The following HERC3 variants were observed in gnomAD, a reference collection of about 807,000 sequenced individuals.
HERC3 encodes the protein probable E3 ubiquitin-protein ligase HERC3.
Under a neutral mutation model 129.9 loss-of-function variants are expected in HERC3, and 58 were observed. The ratio of observed to expected loss-of-function variants is 0.45; its 90% CI spans 0.36 to 0.56. The LOEUF (loss-of-function observed/expected upper bound fraction) is 0.56. HERC3 is among the 20% of genes least tolerant of loss of function. The pLI, the probability that HERC3 is intolerant of heterozygous loss-of-function variation, is 0.00. For synonymous variants in HERC3, 430 were observed against 451.0 expected, an observed-to-expected ratio of 0.95 and a Z score of 0.59; for missense variants, 835 against 1,244.2, an observed-to-expected ratio of 0.67 and a Z score of 4.95.
intron 16 of HERC3, among the ~76,000 whole-genome samples, chr4:88,672,961 G>A (rs1731772566): frequency 6.6e-6 from 1 of 152,096 alleles, no homozygotes; most frequent in Non-Finnish European, 1.5e-5. Flanking sequence ...AATTGCAAAG[G>A]GATCTAACAC....
chr4:88,548,067 G>T, the HERC3 span, among the ~76,000 whole-genome samples: 2 of 152,106 alleles, frequency 1.3e-5, no homozygotes, highest in African/African-American at 4.8e-5. Flanking sequence ...TTCCCATTGT[G>T]TGGATATACC....
the HERC3 span, among the ~76,000 whole-genome samples, chr4:88,558,716 C>T: frequency 1.3e-5 from 2 of 152,138 alleles, no homozygotes; most frequent in East Asian, 1.9e-4. Flanking sequence ...GTAATCCCAG[C>T]ACTTTGGGAG....
the HERC3 span, among the ~76,000 whole-genome samples, chr4:88,551,579 A>G: frequency 6.6e-6 from 1 of 151,712 alleles, no homozygotes; most frequent in African/African-American, 2.4e-5. Context: ...CAAAACCACA[A>G]TGAGATACCA....
At chr4:88,587,324 A>G in the HERC3 span, among the ~76,000 whole-genome samples, 1 of 152,190 alleles carries the variant, frequency 6.6e-6, no homozygotes, top group African/African-American at 2.4e-5. Context: ...GAGAAATCAG[A>G]GGGAGAAATC....
chr4:88,593,329 CG>C (rs938289090), intron 1 of HERC3: 3 of 152,924 alleles, frequency 2.0e-5, no homozygotes, highest in Non-Finnish European at 4.4e-5. Flanking sequence ...CTGGGACGGC[CG>C]GGGGCAGGTG....
chr4:88,563,561 G>T, the HERC3 span, among the ~76,000 whole-genome samples: 1 of 152,064 alleles, frequency 6.6e-6, no homozygotes, highest in Non-Finnish European at 1.5e-5. Context: ...GTGAAAGTGG[G>T]CATCCTTATC....
chr4:88,566,014 G>T, the HERC3 span, among the ~76,000 whole-genome samples: 1 of 151,772 alleles, frequency 6.6e-6, no homozygotes. Flanking sequence ...TACAAGTGTA[G>T]GTTTGTTACA....
chr4:88,540,772 G>A, the HERC3 span, among the ~76,000 whole-genome samples: 1 of 152,198 alleles, frequency 6.6e-6, no homozygotes, highest in Admixed American at 6.5e-5. Context: ...TAAGCCAGAA[G>A]AGAGTGGGAG....
At chr4:88,524,879 C>T in the HERC3 span, 1 of 152,018 alleles carries the variant, frequency 6.6e-6, no homozygotes, top group African/African-American at 2.4e-5. Flanking sequence ...TCATTTCACA[C>T]TTTGAGTTCC....
rs1333312436 is a variant in HERC3, at chr4:88,649,866, C to T, written c.253C>T (p.His85Tyr). Residue 85 changes from histidine to tyrosine, a missense_variant, in exon 4 of 26, where the codon CAT becomes TAT. Transcript: ENST00000402738. Reference sequence around the variant, plus strand: ...ACAAATTGGAGCTCTGGCAGATCAGCATATCATTCATGTGGCATGTGGCGA... The same window carrying T: ...ACAAATTGGAGCTCTGGCAGATCAGTATATCATTCATGTGGCATGTGGCGA... Reference protein sequence around the residue: ...PEQIGALADQHIIHVACGESH... With the variant: ...PEQIGALADQYIIHVACGESH... The T allele has an allele frequency of 6.2e-7, 1 of 1,614,028 alleles. No homozygotes were observed. Among genetic ancestry groups the T allele is most frequent in the Non-Finnish European group, 8.5e-7 (1 of 1,179,992 alleles).
At chr4:88,699,560 T>C (rs547594727) in intron 23 of HERC3, among the ~76,000 whole-genome samples, 34 of 151,280 alleles carry the variant, frequency 2.2e-4, no homozygotes, top group Non-Finnish European at 3.5e-4. Flanking sequence ...ATGTTTCTCA[T>C]TTTACAGATA....
intron 11 of HERC3, 129 bp downstream of exon 11, chr4:88,662,684 G>A (rs184872185): frequency 2.0e-6 from 2 of 1,005,578 alleles, no homozygotes; most frequent in Admixed American, 5.8e-5. Flanking sequence ...AGGGAATCGT[G>A]GGTTATTTTT....
chr4:88,625,449 G>A (rs1378268703), intron 3 of HERC3, among the ~76,000 whole-genome samples: 1 of 151,620 alleles, frequency 6.6e-6, no homozygotes, highest in Non-Finnish European at 1.5e-5. Flanking sequence ...TGTTATACAT[G>A]GTATTTTTAA....
intron 23 of HERC3, chr4:88,693,243 G>A (rs1578332973): frequency 2.0e-6 from 2 of 978,334 alleles, no homozygotes; most frequent in African/African-American, 1.8e-5. Flanking sequence ...AGTATCTTTT[G>A]TGTATAAAGG....
At chr4:88,612,291 G>C (rs1386383894) in intron 3 of HERC3, among the ~76,000 whole-genome samples, 2 of 119,558 alleles carry the variant, frequency 1.7e-5, no homozygotes, top group Non-Finnish European at 3.3e-5. Context: ...GTGACCAACT[G>C]TGTGTGTGTG....
intron 10 of HERC3, among the ~76,000 whole-genome samples, chr4:88,660,450 C>T (rs112871646): frequency 0.054 from 8,150 of 152,192 alleles, 479 homozygotes; most frequent in African/African-American, 0.14. Flanking sequence ...GTGATCTACC[C>T]TCCTCGGCCT....
chr4:88,635,019 G>A (rs901377460), intron 3 of HERC3, among the ~76,000 whole-genome samples: 11 of 152,040 alleles, frequency 7.2e-5, no homozygotes, highest in Admixed American at 5.9e-4. Flanking sequence ...CTCAAAGATC[G>A]AAACTAGACA....
At chr4:88,550,915 T>C in the HERC3 span, among the ~76,000 whole-genome samples, 1 of 151,514 alleles carries the variant, frequency 6.6e-6, no homozygotes, top group South Asian at 2.1e-4. Context: ...CAAAACAGCA[T>C]GGTACTGGTA....
intron 9 of HERC3, chr4:88,657,232 T>G (rs1439872879): frequency 6.6e-6 from 1 of 152,176 alleles, no homozygotes; most frequent in Non-Finnish European, 1.5e-5. Context: ...CATCATAAGT[T>G]TTAGTACTGG....
Sources: gnomAD v4.1 joint callset for allele counts (sites outside exome capture counted in the v4.1 genomes callset) on GRCh38, gnomAD v4.1.1 for gene constraint, MANE v1.5 for transcripts, NCBI Gene and HGNC (gene_info 2026-07-23, HGNC 2026-07-21) for gene names.